The following RAPGEF2 variants were observed in gnomAD, a reference collection of about 807,000 sequenced individuals.
RAPGEF2 encodes the protein PDZ domain containing guanine nucleotide exchange factor (GEF) 1.
Under a neutral mutation model 186.7 loss-of-function variants are expected in RAPGEF2, and 54 were observed. The observed-to-expected ratio is 0.29, with a 90% CI of 0.23 to 0.36. The LOEUF is 0.36. Among genes scored for constraint, RAPGEF2 ranks in the 10% least tolerant of loss-of-function variants. RAPGEF2 has a pLI of 1.00. For synonymous variants in RAPGEF2, 712 were observed against 705.9 expected, an observed-to-expected ratio of 1.01 and a Z score of -0.14; for missense variants, 1,532 against 2,045.0, an observed-to-expected ratio of 0.75 and a Z score of 4.84.
chr4:159,347,825 T>G (rs537456017), intron 25 of RAPGEF2, among the ~76,000 whole-genome samples: 81 of 152,244 alleles, frequency 5.3e-4, no homozygotes, highest in Non-Finnish European at 9.6e-4. Context: ...AGCCCCTTTG[T>G]GGAAGTGGTA....
intron 3 of RAPGEF2, among the ~76,000 whole-genome samples, chr4:159,195,063 G>A (rs1364611791): frequency 1.3e-5 from 2 of 152,200 alleles, no homozygotes; most frequent in African/African-American, 4.8e-5. Flanking sequence ...GTTGCAACAT[G>A]TGAAACTATG....
In RAPGEF2 at chr4:159,344,791, G is replaced by A. The variant is rs372133400; in HGVS notation, c.3279-315G>A. On this transcript the variant is annotated intron_variant, in intron 23 of 29. Coordinates refer to ENST00000691494, the MANE Select transcript of RAPGEF2 (RefSeq NM_001394067.2). ...TGATTATAGCTGTGTATTCTTGCAT[G>A]AGCTTTTACATGTAATTATTGTTTT... 5.3e-3 allele frequency among the ~76,000 whole-genome samples: 814 copies of A among 152,242 alleles called. 30 individuals carry two copies. The highest frequency in any genetic ancestry group is 0.047 in the South Asian group (227 of 4,828).
At position 159,350,133 on chromosome 4, in the gene RAPGEF2, A is replaced by G; in HGVS notation, c.3713-4A>G. On this transcript the variant is annotated splice_polypyrimidine_tract_variant and splice_region_variant and intron_variant, in intron 25 of 29. Coordinates refer to ENST00000691494, the MANE Select transcript of RAPGEF2 (RefSeq NM_001394067.2). ...TATTTAAGGTTTTTTTTTTTCCATT[A>G]TAGGCATAAACTCTCCACAAGCTTT... 1 of 1,490,256 alleles carries G rather than the reference A, an allele frequency of 6.7e-7. No homozygotes were observed. The highest frequency in any genetic ancestry group is 1.8e-4 in the Middle Eastern group (1 of 5,576). The allele number at this position is 1,490,256 out of a possible 1,614,324, so 92.3% of individuals were successfully genotyped here. A position where few individuals can be genotyped will look rare whatever the true frequency, so the allele number is the denominator to read the frequency against.
In RAPGEF2 at chr4:159,158,838, A is replaced by G. The variant is rs571387550; in HGVS notation, c.70-27804A>G. Among the ~76,000 whole-genome samples, 12 of 152,252 alleles carry G rather than the reference A, an allele frequency of 7.9e-5. No homozygotes were observed. In the South Asian group the frequency reaches 2.1e-3, roughly 26 times the overall value. On this transcript the variant is annotated intron_variant, in intron 1 of 29. Transcript: ENST00000691494. ...AAGGAACCAGAAATTATCATTGACA[A>G]CCTCGCTAGAGGCCCTTACTCAAGT...
At chr4:159,108,977 C>A (rs1441653025) in intron 1 of RAPGEF2, among the ~76,000 whole-genome samples, 1 of 152,036 alleles carries the variant, frequency 6.6e-6, no homozygotes, top group Non-Finnish European at 1.5e-5. Flanking sequence ...CTTCAGCCTC[C>A]CAAAGTGCTG....
intron 1 of RAPGEF2, among the ~76,000 whole-genome samples, chr4:159,181,839 G>A (rs192255880): frequency 7.2e-5 from 11 of 152,116 alleles, no homozygotes; most frequent in Non-Finnish European, 1.0e-4. Context: ...ATGCCTGGCC[G>A]GGAATACAGT....
intron 4 of RAPGEF2, among the ~76,000 whole-genome samples, chr4:159,218,587 C>T (rs1751209893): frequency 6.6e-6 from 1 of 151,998 alleles, no homozygotes. Context: ...GAAACCCCTT[C>T]TTTACTAAAA....
At chr4:159,148,176 A>G (rs1007560822) in intron 1 of RAPGEF2, among the ~76,000 whole-genome samples, 4 of 152,154 alleles carry the variant, frequency 2.6e-5, no homozygotes, top group Non-Finnish European at 5.9e-5. Flanking sequence ...ACTGAATTGC[A>G]AAGTCTAGAG....
chr4:159,355,832 G>A (rs765119584), intron 28 of RAPGEF2, 21 bp from the exon 29 acceptor site: 61 of 1,524,830 alleles, frequency 4.0e-5, no homozygotes, highest in Non-Finnish European at 5.1e-5. Context: ...TTTTAATGCT[G>A]GTGCATTGTT....
rs1467605798 is a variant in RAPGEF2, at chr4:159,251,942, A to G, written c.543+8151A>G. On this transcript the variant is annotated intron_variant, in intron 7 of 29. Coordinates refer to ENST00000691494, the MANE Select transcript of RAPGEF2 (RefSeq NM_001394067.2). ...GTCTGCCACGTCTTTAAGAGCGGTA[A>G]CACTCACCGCGGAGGTCTGCAGCTT... Among the ~76,000 whole-genome samples, 6 of 152,024 alleles carry G rather than the reference A, an allele frequency of 3.9e-5. No individual in the cohort carries two copies. In the East Asian group the frequency reaches 5.8e-4, roughly 15 times the overall value.
chr4:159,171,909 GT>G (rs1745945832), intron 1 of RAPGEF2, among the ~76,000 whole-genome samples: 1 of 151,882 alleles, frequency 6.6e-6, no homozygotes, highest in Non-Finnish European at 1.5e-5. Flanking sequence ...TCATACTACC[GT>G]TCAAGAGTTA....
At chr4:159,133,117 TGTAAA>T (rs957606150) in intron 1 of RAPGEF2, among the ~76,000 whole-genome samples, 14 of 152,190 alleles carry the variant, frequency 9.2e-5, no homozygotes, top group Admixed American at 2.6e-4. Context: ...ATTTATTTAA[TGTAAA>T]GTATAGTTTG....
chr4:159,251,039 C>A (rs1445082549), intron 7 of RAPGEF2, among the ~76,000 whole-genome samples: 1 of 152,192 alleles, frequency 6.6e-6, no homozygotes. Context: ...TGCTGCTGGC[C>A]AGGGCAGTGA....
At chr4:159,272,160 G>T (rs545670331) in intron 7 of RAPGEF2, among the ~76,000 whole-genome samples, 1 of 152,212 alleles carries the variant, frequency 6.6e-6, no homozygotes, top group African/African-American at 2.4e-5. Flanking sequence ...AGTGCAGCCT[G>T]ACTTCAATCA....
intron 2 of RAPGEF2, among the ~76,000 whole-genome samples, chr4:159,187,646 G>A (rs1747695894): frequency 6.6e-6 from 1 of 152,026 alleles, no homozygotes; most frequent in East Asian, 1.9e-4. Flanking sequence ...CACTTCTGTT[G>A]TACAGTAATA....
chr4:159,306,331 G>C (rs1763297592), intron 8 of RAPGEF2, among the ~76,000 whole-genome samples: 1 of 151,910 alleles, frequency 6.6e-6, no homozygotes. Flanking sequence ...AGTTTTCCTT[G>C]TAAAGCTCTT....
intron 1 of RAPGEF2, among the ~76,000 whole-genome samples, chr4:159,145,954 GCGTTGAT>G (rs1742914938): frequency 6.6e-6 from 1 of 152,176 alleles, no homozygotes; most frequent in African/African-American, 2.4e-5. Flanking sequence ...GGGAAAGGAA[GCGTTGAT>G]AGGTAAACTG....
intron 7 of RAPGEF2, among the ~76,000 whole-genome samples, chr4:159,271,781 C>T (rs1472092642): frequency 6.6e-6 from 1 of 152,132 alleles, no homozygotes; most frequent in Non-Finnish European, 1.5e-5. Flanking sequence ...TTTTTCCTGG[C>T]ATATGTGACA....
At chr4:159,257,994 T>A (rs1756383921) in intron 7 of RAPGEF2, among the ~76,000 whole-genome samples, 1 of 152,204 alleles carries the variant, frequency 6.6e-6, no homozygotes, top group Non-Finnish European at 1.5e-5. Context: ...AATGCCTTCC[T>A]GTATTAATAA....
Sources: gnomAD v4.1 joint callset for allele counts (sites outside exome capture counted in the v4.1 genomes callset) on GRCh38, gnomAD v4.1.1 for gene constraint, MANE v1.5 for transcripts, NCBI Gene and HGNC (gene_info 2026-07-23, HGNC 2026-07-21) for gene names.